The following ASXL3 variants were observed in gnomAD, a reference collection of about 807,000 sequenced individuals.
ASXL3 encodes the protein putative Polycomb group protein ASXL3.
In ASXL3, 34 loss-of-function variants were observed where a neutral mutation model predicts 170.6. The ratio of observed to expected loss-of-function variants is 0.20; its 90% CI spans 0.15 to 0.27. ASXL3 has a LOEUF of 0.27. ASXL3 is among the 10% of genes least tolerant of loss of function. The pLI is 1.00. For synonymous variants in ASXL3, 1,002 were observed against 989.1 expected (o/e 1.01, Z -0.24); for missense variants, 2,592 against 2,695.3 (o/e 0.96, Z 0.85).
chr18:33,657,110 C>T (rs1197064040), intron 4 of ASXL3, among the ~76,000 whole-genome samples: 3 of 151,978 alleles, frequency 2.0e-5, no homozygotes, highest in Non-Finnish European at 2.9e-5. Context: ...CACTAAATTC[C>T]AAGAAAGCAT....
At chr18:33,679,477 G>C (rs1298410189) in intron 7 of ASXL3, among the ~76,000 whole-genome samples, 1 of 151,958 alleles carries the variant, frequency 6.6e-6, no homozygotes, top group Non-Finnish European at 1.5e-5. Flanking sequence ...TTGTCTTGCT[G>C]CTCTTTCTTT....
At chr18:33,586,083 A>G (rs1308579420) in intron 1 of ASXL3, among the ~76,000 whole-genome samples, 1 of 152,210 alleles carries the variant, frequency 6.6e-6, no homozygotes, top group Admixed American at 6.5e-5. Flanking sequence ...GATACTATTA[A>G]CCATAATGTA....
chr18:33,586,906 TTATC>T (rs1406717932), intron 1 of ASXL3, among the ~76,000 whole-genome samples: 10 of 152,186 alleles, frequency 6.6e-5, no homozygotes, highest in Admixed American at 6.5e-4. Flanking sequence ...TATTAGGGGA[TTATC>T]TATGTGTCCC....
intron 4 of ASXL3, among the ~76,000 whole-genome samples, chr18:33,648,638 G>T (rs1418419902): frequency 6.6e-6 from 1 of 152,068 alleles, no homozygotes; most frequent in African/African-American, 2.4e-5. Context: ...CCAGTTTATA[G>T]ATGGTAGTTA....
chr18:33,599,658 T>G (rs1017998259), intron 1 of ASXL3, among the ~76,000 whole-genome samples: 14 of 152,174 alleles, frequency 9.2e-5, no homozygotes, highest in Admixed American at 1.3e-4. Flanking sequence ...GTGTCCTTTT[T>G]TGCAGCAGGT....
intron 1 of ASXL3, among the ~76,000 whole-genome samples, chr18:33,606,111 C>T (rs777815541): frequency 6.6e-5 from 10 of 151,890 alleles, no homozygotes; most frequent in Non-Finnish European, 1.3e-4. Flanking sequence ...TCCTTCTTTA[C>T]AGCTCTATTA....
chr18:33,695,347 A>C (rs2066755712), intron 8 of ASXL3, among the ~76,000 whole-genome samples: 1 of 152,104 alleles, frequency 6.6e-6, no homozygotes, highest in Non-Finnish European at 1.5e-5. Context: ...CTTCTTGCCT[A>C]AGTCACTTAC....
intron 8 of ASXL3, among the ~76,000 whole-genome samples, chr18:33,704,597 G>A (rs1431487558): frequency 6.6e-6 from 1 of 151,972 alleles, no homozygotes; most frequent in Admixed American, 6.6e-5. Context: ...TCTAGAAGCA[G>A]TCAGATATGC....
chr18:33,582,331 G>A (rs969350696), intron 1 of ASXL3, among the ~76,000 whole-genome samples: 6 of 152,100 alleles, frequency 3.9e-5, no homozygotes, highest in Non-Finnish European at 2.9e-5. Flanking sequence ...GGATTTGACA[G>A]GACTTTGTTT....
intron 2 of ASXL3, among the ~76,000 whole-genome samples, chr18:33,637,490 G>A (rs2065785959): frequency 1.3e-5 from 2 of 152,128 alleles, no homozygotes; most frequent in South Asian, 2.1e-4. Flanking sequence ...TCTGGAAATG[G>A]TGGAGTATTG....
intron 4 of ASXL3, among the ~76,000 whole-genome samples, chr18:33,647,486 G>T (rs1315357217): frequency 6.6e-6 from 1 of 152,072 alleles, no homozygotes; most frequent in Non-Finnish European, 1.5e-5. Flanking sequence ...TGTGGTAATG[G>T]TGGAACCCTG....
chr18:33,645,965 A>G (rs1267338997), intron 3 of ASXL3, among the ~76,000 whole-genome samples: 1 of 151,862 alleles, frequency 6.6e-6, no homozygotes, highest in Admixed American at 6.6e-5. Flanking sequence ...CATGAGGAAA[A>G]CTGTAGAATT....
At chr18:33,681,015 A>G (rs2066505418) in intron 7 of ASXL3, among the ~76,000 whole-genome samples, 1 of 150,800 alleles carries the variant, frequency 6.6e-6, no homozygotes, top group Non-Finnish European at 1.5e-5. Flanking sequence ...CCATCTATCC[A>G]TTTATTTGGA....
chr18:33,725,315 A>G (rs2067331757), intron 8 of ASXL3, among the ~76,000 whole-genome samples: 1 of 152,152 alleles, frequency 6.6e-6, no homozygotes. Flanking sequence ...TACCTTAGTA[A>G]TGCTAAAAGG....
chr18:33,586,179 T>C (rs1244070839), intron 1 of ASXL3, among the ~76,000 whole-genome samples: 1 of 151,748 alleles, frequency 6.6e-6, no homozygotes, highest in African/African-American at 2.4e-5. Flanking sequence ...TAGAGAGTCA[T>C]GATACAGTGA....
intron 8 of ASXL3, among the ~76,000 whole-genome samples, chr18:33,713,261 T>TTG (rs2067105996): frequency 8.4e-6 from 1 of 118,694 alleles, no homozygotes; most frequent in Non-Finnish European, 1.7e-5. Flanking sequence ...TTTTTTTTTT[T>TTG]TTTTTTTTTT....
intron 8 of ASXL3, among the ~76,000 whole-genome samples, chr18:33,707,119 A>G (rs893773233): frequency 3.7e-4 from 56 of 151,922 alleles, no homozygotes; most frequent in Middle Eastern, 6.8e-3. Flanking sequence ...CTGTCCTTAC[A>G]CCAAAACCAT....
chr18:33,609,127 C>T (rs1185528491), intron 2 of ASXL3: 34 of 929,914 alleles, frequency 3.7e-5, no homozygotes, highest in Non-Finnish European at 4.0e-5. Flanking sequence ...TATTTTAACC[C>T]GGATGTCAGT....
chr18:33,641,351 G>C (rs939424776), intron 2 of ASXL3, among the ~76,000 whole-genome samples: 1 of 151,946 alleles, frequency 6.6e-6, no homozygotes, highest in African/African-American at 2.4e-5. Flanking sequence ...CAGGGGTTGT[G>C]GGAAATGAAA....
Sources: allele counts gnomAD v4.1 joint callset (sites outside exome capture counted in the v4.1 genomes callset), GRCh38; gene constraint gnomAD v4.1.1; transcripts MANE v1.5; gene names NCBI Gene and HGNC (gene_info 2026-07-23, HGNC 2026-07-21).